The following MAP2K5 variants were observed in gnomAD, a reference collection of about 807,000 sequenced individuals.
MAP2K5 encodes dual specificity mitogen-activated protein kinase kinase 5.
Under a neutral mutation model 83.1 loss-of-function variants are expected in MAP2K5, and 49 were observed. The ratio of observed to expected loss-of-function variants is 0.59; its 90% CI spans 0.47 to 0.75. MAP2K5 has a LOEUF of 0.75. MAP2K5 is among the 30% of genes least tolerant of loss of function. MAP2K5 has a pLI of 0.00. For missense variants in MAP2K5, 457 were observed against 557.5 expected (o/e 0.82, Z 1.82); for synonymous variants, 202 against 191.8 (o/e 1.05, Z -0.44).
At chr15:67,603,237 T>A (rs1479607531) in intron 8 of MAP2K5, among the ~76,000 whole-genome samples, 1 of 152,212 alleles carries the variant, frequency 6.6e-6, no homozygotes, top group Non-Finnish European at 1.5e-5. Flanking sequence ...AACTCCCCCA[T>A]CACTCTGTTA....
At chr15:67,743,716 A>G (rs1042980409) in intron 17 of MAP2K5, among the ~76,000 whole-genome samples, 1 of 152,166 alleles carries the variant, frequency 6.6e-6, no homozygotes, top group Non-Finnish European at 1.5e-5. Flanking sequence ...GTATGTCCCT[A>G]AGTTTTAATA....
rs1384285797 is a variant in MAP2K5 at position 67,747,102 on chromosome 15, C to G, written c.1075-1129C>G. ...TGGAGGAGCCCCAGCACCACCACAC[C>G]CTGGCGCTGAGGCCTCAGGCCCGGA... On this transcript the variant is annotated intron_variant, in intron 17 of 21. Transcript: ENST00000178640. This position sits in a 1 kb window ranked among gnomAD's most constrained non-coding sequence, Gnocchi z 4.1. Among the ~76,000 whole-genome samples the G allele has an allele frequency of 2.0e-5, 3 of 152,150 alleles. No homozygotes were observed. The East Asian group carries it at 5.8e-4, about 29-fold the overall frequency.
At chr15:67,727,469 A>T (rs2089122365) in intron 16 of MAP2K5, among the ~76,000 whole-genome samples, 1 of 152,224 alleles carries the variant, frequency 6.6e-6, no homozygotes, top group African/African-American at 2.4e-5. Context: ...TTTCAATTTC[A>T]TAATAATGTC....
chr15:67,734,772 G>A (rs368085484), intron 17 of MAP2K5, among the ~76,000 whole-genome samples: 3 of 152,180 alleles, frequency 2.0e-5, no homozygotes, highest in East Asian at 3.9e-4. Flanking sequence ...TTTGAAGTTT[G>A]GAACATGAAG....
At chr15:67,799,308 T>A (rs150536699) in intron 21 of MAP2K5, among the ~76,000 whole-genome samples, 35 of 152,410 alleles carry the variant, frequency 2.3e-4, no homozygotes, top group Non-Finnish European at 3.2e-4. Context: ...TCCACATCTT[T>A]GGTGCAAGCA....
rs2090328110 is a variant in MAP2K5, at chr15:67,781,522, T to A, written c.1242+8770T>A. Reference sequence around the variant, plus strand: ...AGAGACATTTGGGCCTACCGTCCTCTATTTAATTTTCAAGATTAGAATTAA... The same window carrying A: ...AGAGACATTTGGGCCTACCGTCCTCAATTTAATTTTCAAGATTAGAATTAA... On this transcript the variant is annotated intron_variant, in intron 21 of 21. Transcript: ENST00000178640. The surrounding 1 kb of genome is among the most constrained non-coding windows in gnomAD (Gnocchi z 4.0). Among the ~76,000 whole-genome samples, 1 of 152,230 alleles carries A rather than the reference T, an allele frequency of 6.6e-6. No individual in the cohort carries two copies. The highest frequency in any genetic ancestry group is 2.4e-5 in the African/African-American group (1 of 41,466).
intron 17 of MAP2K5, among the ~76,000 whole-genome samples, chr15:67,741,725 C>A (rs958701548): frequency 6.6e-6 from 1 of 152,064 alleles, no homozygotes. Context: ...AAAATACCAA[C>A]TGATCATAAG....
intron 7 of MAP2K5, among the ~76,000 whole-genome samples, chr15:67,597,375 G>A (rs965482680): frequency 6.6e-5 from 10 of 152,174 alleles, no homozygotes; most frequent in African/African-American, 2.4e-4. Context: ...GCCATTGATA[G>A]GAATGTCCCT....
In MAP2K5 at chr15:67,769,777, C is replaced by G; in HGVS notation, c.1196+114C>G. 2.0e-6 allele frequency: 2 copies of G among 988,438 alleles called. No individual in the cohort carries two copies. The highest frequency in any genetic ancestry group is 3.1e-6 in the Non-Finnish European group (2 of 644,280). 61.2% of individuals were successfully genotyped at this position (988,438 alleles called of 1,614,324 possible). On this transcript the variant is annotated intron_variant, in intron 20 of 21. Transcript: ENST00000178640. The surrounding 1 kb of genome is among the most constrained non-coding windows in gnomAD (Gnocchi z 5.2). ...TGCATCCTTTTGGAGACAGGAGGGA[C>G]TTCGGGGCCTTGGGCAGATGGGGCA...
At position 67,648,141 on chromosome 15, in the gene MAP2K5, A is replaced by G. The variant is rs189095504; in HGVS notation, c.736+1672A>G. On this transcript the variant is annotated intron_variant, in intron 11 of 21. Coordinates refer to ENST00000178640, the MANE Select transcript of MAP2K5 (RefSeq NM_145160.3). ...TTCCATGGTTTTTGATATACTCACA[A>G]GGTTGTGTAGTCATCACCACTGTAT... 1.1e-3 allele frequency among the ~76,000 whole-genome samples: 163 copies of G among 152,332 alleles called. 1 individual carries two copies. The highest frequency in any genetic ancestry group is 5.7e-3 in the Admixed American group (87 of 15,302).
chr15:67,593,899 T>G (rs1382831849), intron 7 of MAP2K5, among the ~76,000 whole-genome samples: 1 of 152,234 alleles, frequency 6.6e-6, no homozygotes, highest in Non-Finnish European at 1.5e-5. Context: ...AATCAAGTAC[T>G]TGTAGTGGAG....
chr15:67,641,484 A>G (rs1043800080), intron 9 of MAP2K5: 3 of 1,000,544 alleles, frequency 3.0e-6, no homozygotes, highest in Non-Finnish European at 3.6e-6. Flanking sequence ...GAAGTCATCC[A>G]TGACAGCTTG....
chr15:67,575,861 T>C (rs968947560), intron 3 of MAP2K5, among the ~76,000 whole-genome samples: 1 of 151,852 alleles, frequency 6.6e-6, no homozygotes, highest in African/African-American at 2.4e-5. Flanking sequence ...CCTCTATCTC[T>C]ATCTCTCTAT....
intron 8 of MAP2K5, chr15:67,628,604 G>C: frequency 1.6e-6 from 2 of 1,270,686 alleles, no homozygotes; most frequent in Non-Finnish European, 1.1e-6. Context: ...GGCAAGAAAA[G>C]GGGCTTTGCC....
At chr15:67,545,073 AG>A (rs1445228254) in intron 1 of MAP2K5, among the ~76,000 whole-genome samples, 2 of 152,062 alleles carry the variant, frequency 1.3e-5, no homozygotes, top group Non-Finnish European at 2.9e-5. Flanking sequence ...TCACTTACAT[AG>A]GTTGATTTTC....
chr15:67,698,315 G>A lies in MAP2K5; in HGVS notation c.972+4747G>A, dbSNP rs1166442076. On this transcript the variant is annotated intron_variant, in intron 15 of 21. Coordinates refer to ENST00000178640, the MANE Select transcript of MAP2K5 (RefSeq NM_145160.3). This position sits in a 1 kb window ranked among gnomAD's most constrained non-coding sequence, Gnocchi z 4.5. ...CGATTCTCCTGCCTCAGCCTCCAGA[G>A]TAGCTGGGATTACAGGCGTGCACCA... 1.3e-5 allele frequency among the ~76,000 whole-genome samples: 2 copies of A among 152,038 alleles called. No homozygotes were observed. The highest frequency in any genetic ancestry group is 2.4e-5 in the African/African-American group (1 of 41,382).
At position 67,764,635 on chromosome 15, in the gene MAP2K5, T is replaced by A. The variant is rs1353333938; in HGVS notation, c.1135-4967T>A. 1.3e-5 allele frequency among the ~76,000 whole-genome samples: 2 copies of A among 152,242 alleles called. No homozygotes were observed. Among genetic ancestry groups the A allele is most frequent in the Non-Finnish European group, 2.9e-5 (2 of 68,046 alleles). On this transcript the variant is annotated intron_variant, in intron 19 of 21. Transcript: ENST00000178640. The surrounding 1 kb of genome is among the most constrained non-coding windows in gnomAD (Gnocchi z 4.9). ...AATGCCAGGCTCATTGCGTTCCACA[T>A]GGTAGATGCCCACAAAAGCTGTTGA... is the stretch of plus-strand genomic sequence containing the variant.
At chr15:67,709,802 A>C (rs2088645595) in intron 16 of MAP2K5, among the ~76,000 whole-genome samples, 1 of 152,248 alleles carries the variant, frequency 6.6e-6, no homozygotes, top group Non-Finnish European at 1.5e-5. Context: ...TCAAAAAATA[A>C]GTCAACATAC....
In MAP2K5 at chr15:67,563,366, A is replaced by G. The variant is rs188242878; in HGVS notation, c.252+16A>G. 3.2e-5 allele frequency: 52 copies of G among 1,600,804 alleles called. No homozygotes were observed. In the African/African-American group the frequency reaches 6.0e-4, roughly 19 times the overall value. ...GCTGTCATATGTAAGTATACGACAA[A>G]TGAAGACTATTTTTTAAAATCTTAA... is the stretch of plus-strand genomic sequence containing the variant. On this transcript the variant is annotated intron_variant, in intron 3 of 21. Coordinates refer to ENST00000178640, the MANE Select transcript of MAP2K5 (RefSeq NM_145160.3). This position sits in a 1 kb window ranked among gnomAD's most constrained non-coding sequence, Gnocchi z 4.5.
Sources: allele counts gnomAD v4.1 joint callset (sites outside exome capture counted in the v4.1 genomes callset), GRCh38; gene constraint gnomAD v4.1.1; non-coding constraint Gnocchi (gnomAD v3.1); transcripts MANE v1.5; gene names NCBI Gene and HGNC (gene_info 2026-07-23, HGNC 2026-07-21).